Variants in ZC3H4 observed in about 807,000 individuals in gnomAD.
ZC3H4 encodes zinc finger CCCH-type containing 4, also known as zinc finger CCCH domain-containing protein 4.
In ZC3H4, 13 loss-of-function variants were observed where a neutral mutation model predicts 108.3. That is an observed-to-expected ratio of 0.12 (90% confidence interval 0.08 to 0.19). The LOEUF is 0.19. Ranked by LOEUF, ZC3H4 falls within the 10% of genes least tolerant of loss-of-function variation. The pLI is 1.00. For synonymous variants in ZC3H4, 917 were observed against 749.6 expected, an observed-to-expected ratio of 1.22 and a Z score of -3.65; for missense variants, 1,734 against 1,838.8, an observed-to-expected ratio of 0.94 and a Z score of 1.04.
chr19:47,069,245 G>A lies in ZC3H4; in HGVS notation c.2245C>T (p.Pro749Ser), dbSNP rs779780890. 2.5e-6 allele frequency: 4 copies of A among 1,613,586 alleles called. No individual in the cohort carries two copies. Among genetic ancestry groups the A allele is most frequent in the Admixed American group, 1.7e-5 (1 of 59,990 alleles). ...CCGGCGCCTGGCTTCGGCCGGCCTG[G>A]GGGCCCTCCCTCAGAGAAGCTGTCG... ...EPDSFSEGGP[P>S]GRPKPGAGVP... The change falls in exon 14 of 15, where the codon CCA (proline) becomes TCA (serine). Residue 749 changes from proline to serine, a missense_variant. Physicochemically the swap from Pro to Ser is moderately conservative, Grantham distance 74. Transcript: ENST00000253048.
Position 47,067,307 on chromosome 19 carries a change from T to G in ZC3H4, c.2961A>C (p.Leu987=). 6.3e-7 allele frequency: 1 copy of G among 1,593,194 alleles called. No individual in the cohort carries two copies. The highest frequency in any genetic ancestry group is 8.6e-7 in the Non-Finnish European group (1 of 1,168,996). The change falls in exon 15 of 15, where the codon CTA becomes CTC. Residue 987 remains leucine (L), a synonymous_variant. Coordinates refer to ENST00000253048, the MANE Select transcript of ZC3H4 (RefSeq NM_015168.2). This position sits in a 1 kb window ranked among gnomAD's most constrained non-coding sequence, Gnocchi z 6.4. Reference sequence around the variant, plus strand: ...GCACTGCGTCCTGCTTGGGGATGGGTAGGGGGATCAGGTCCTCGGGATTCC... The same window carrying G: ...GCACTGCGTCCTGCTTGGGGATGGGGAGGGGGATCAGGTCCTCGGGATTCC... ...VLWNPEDLIP[L]PIPKQDAVPP...
intron 2 of ZC3H4, among the ~76,000 whole-genome samples, chr19:47,099,352 G>A (rs1361710229): frequency 2.0e-5 from 3 of 151,704 alleles, no homozygotes; most frequent in African/African-American, 7.3e-5. Context: ...CCAGCTACTC[G>A]GGAGGCTGAG....
Position 47,090,188 on chromosome 19 carries a change from G to T in ZC3H4, c.494C>A (p.Ser165Tyr). 1 of 1,614,144 alleles carries T rather than the reference G, an allele frequency of 6.2e-7. No homozygotes were observed. Among genetic ancestry groups the T allele is most frequent in the South Asian group, 1.1e-5 (1 of 91,074 alleles). Residue 165 changes from serine (S) to tyrosine (Y), a missense_variant and splice_region_variant, in exon 5 of 15, where the codon TCC (serine) becomes TAC (tyrosine). Physicochemically the swap from Ser to Tyr is moderately radical, Grantham distance 144. Transcript: ENST00000253048. The stretch of plus-strand genomic sequence containing the variant: ...ATGCGATGGGGGGTACTGCTGGTGG[G>T]ACTGCGTCCCAGAGATGGGGAAAAG... The part of the protein sequence containing the change: ...YREYSPPYAP[S>Y]HQQYPPSHAT...
At position 47,072,398 on chromosome 19, in the gene ZC3H4, T is replaced by C; in HGVS notation, c.1756A>G (p.Ile586Val). The C allele has an allele frequency of 6.2e-7, 1 of 1,613,236 alleles. No individual in the cohort carries two copies. The highest frequency in any genetic ancestry group is 8.5e-7 in the Non-Finnish European group (1 of 1,179,744). ...AGCTGTCCCGTGGGCCGCACCACGA[T>C]CTCAAACAAGGAGGGGATCTTCTTG... ...YNKKIPSLFEIVVRPTGQLAE... is the reference protein window; with the variant it reads ...YNKKIPSLFEVVVRPTGQLAE... Residue 586 changes from isoleucine to valine, a missense_variant, in exon 12 of 15, where the codon ATC (isoleucine) becomes GTC (valine). By Grantham distance (29) the Ile-to-Val change is conservative. This residue lies in a region of ZC3H4 where 12 missense variants were observed against 36.4 expected (regional missense o/e 0.33). Coordinates refer to ENST00000253048, the MANE Select transcript of ZC3H4 (RefSeq NM_015168.2). This position sits in a 1 kb window ranked among gnomAD's most constrained non-coding sequence, Gnocchi z 5.6.
In ZC3H4 at chr19:47,072,545, T is replaced by C; in HGVS notation, c.1609A>G (p.Met537Val). 4 of 1,395,372 alleles carry C rather than the reference T, an allele frequency of 2.9e-6. No individual in the cohort carries two copies. The highest frequency in any genetic ancestry group is 1.7e-5 in the African/African-American group (1 of 58,336). 86.4% of individuals were successfully genotyped at this position (1,395,372 alleles called of 1,614,324 possible). A position where few individuals can be genotyped will look rare whatever the true frequency, so the allele number is the denominator to read the frequency against. ...QAPTSPNGRP[M>V]QGGPPPPPPP... ...GGCGGGGGCGGGGGGCCACCCTGCA[T>C]GGGCCTGCCGTTGGGAGAGGTTGGA... The change falls in exon 12 of 15, where the codon ATG becomes GTG. Residue 537 changes from methionine to valine, a missense_variant. Physicochemically the swap from Met to Val is conservative, Grantham distance 21 (BLOSUM62 1). Coordinates refer to ENST00000253048, the MANE Select transcript of ZC3H4 (RefSeq NM_015168.2). The surrounding 1 kb of genome is among the most constrained non-coding windows in gnomAD (Gnocchi z 5.6).
At chr19:47,084,946 G>A in intron 8 of ZC3H4, 110 bp downstream of exon 8, 1 of 1,456,834 alleles carries the variant, frequency 6.9e-7, no homozygotes. Flanking sequence ...AGCCCTTTGG[G>A]GGGTGGCTGA....
At chr19:47,103,290 CTT>C (rs906977860) in intron 2 of ZC3H4, among the ~76,000 whole-genome samples, 8 of 152,106 alleles carry the variant, frequency 5.3e-5, no homozygotes, top group African/African-American at 1.4e-4. Context: ...TAAGACTTCT[CTT>C]TGTTTATAAT....
At chr19:47,088,808 A>G (rs1235360836) in intron 5 of ZC3H4, among the ~76,000 whole-genome samples, 2 of 152,194 alleles carry the variant, frequency 1.3e-5, no homozygotes, top group East Asian at 3.9e-4. Flanking sequence ...ACCAGAAAAT[A>G]TAAACGACAT....
chr19:47,090,247 C>T, intron 4 of ZC3H4, 58 bp from the exon 5 acceptor site: 1 of 1,588,444 alleles, frequency 6.3e-7, no homozygotes, highest in African/African-American at 1.3e-5. Context: ...TGGGTGCAGA[C>T]TACCAAGATA....
At chr19:47,070,408 C>T (rs1219815106) in intron 13 of ZC3H4, among the ~76,000 whole-genome samples, 2 of 152,166 alleles carry the variant, frequency 1.3e-5, no homozygotes, top group Non-Finnish European at 2.9e-5. Context: ...CCTTCACACA[C>T]AGTCTGTGCA....
rs766647274 is a variant in ZC3H4, at chr19:47,067,216, C to A, written c.3052G>T (p.Ala1018Ser). The A allele has an allele frequency of 6.2e-7, 1 of 1,608,710 alleles. No homozygotes were observed. The change falls in exon 15 of 15, where the codon GCA becomes TCA. Residue 1018 changes from alanine (A) to serine (S), a missense_variant. Ala to Ser is a moderately conservative substitution (Grantham distance 99). Around this residue, in one of 9 missense-constraint regions of ZC3H4, gnomAD observed 518 missense variants for 499.6 expected, o/e 1.04. Transcript: ENST00000253048. This position sits in a 1 kb window ranked among gnomAD's most constrained non-coding sequence, Gnocchi z 6.4. Reference sequence around the variant, plus strand: ...CGCTGCCGGGCGTTGGGGGGCCCTGCCGTGGCAGCGCGGTGCAGCCGGGGG... The same window carrying A: ...CGCTGCCGGGCGTTGGGGGGCCCTGACGTGGCAGCGCGGTGCAGCCGGGGG... ...LDPRLHRAAT[A>S]GPPNARQRPG...
chr19:47,097,043 G>A (rs973684389), intron 2 of ZC3H4: 1 of 963,422 alleles, frequency 1.0e-6, no homozygotes, highest in East Asian at 1.1e-4. Context: ...GCGGGCAGAG[G>A]ACAAAAGACC....
rs1206509298 is a variant in ZC3H4, at chr19:47,093,859, C to T, written c.492+111G>A. 4 of 859,972 alleles carry T rather than the reference C, an allele frequency of 4.7e-6. No homozygotes were observed. The African/African-American group carries it at 6.8e-5, about 15-fold the overall frequency. The allele number at this position is 859,972 out of a possible 1,614,324, so 53.3% of individuals were successfully genotyped here. Reference sequence around the variant, plus strand: ...TGGGGATTAAATTAATACCTGATGGCCCAGGACTGAAACTCACAAAAAATG... The same window carrying T: ...TGGGGATTAAATTAATACCTGATGGTCCAGGACTGAAACTCACAAAAAATG... On this transcript the variant is annotated intron_variant, in intron 4 of 14. Coordinates refer to ENST00000253048, the MANE Select transcript of ZC3H4 (RefSeq NM_015168.2).
intron 6 of ZC3H4, among the ~76,000 whole-genome samples, 160 bp from the exon 7 acceptor site, chr19:47,085,574 C>G (rs563380389): frequency 6.6e-6 from 1 of 152,282 alleles, no homozygotes; most frequent in East Asian, 1.9e-4. Flanking sequence ...CCCAATCCTT[C>G]CCACTGCAGT....
chr19:47,094,742 G>T, intron 2 of ZC3H4, 134 bp from the exon 3 acceptor site: 1 of 823,816 alleles, frequency 1.2e-6, no homozygotes, highest in South Asian at 1.7e-5. Flanking sequence ...GAGGACATGG[G>T]GGCCATGGCC....
intron 14 of ZC3H4, among the ~76,000 whole-genome samples, chr19:47,068,436 G>C (rs1347325036): frequency 6.6e-6 from 1 of 152,214 alleles, no homozygotes; most frequent in Non-Finnish European, 1.5e-5. Context: ...GGCTGGTGTG[G>C]ACCAACCGCA....
In ZC3H4 at chr19:47,069,171, G is replaced by T. The variant is rs1292825982; in HGVS notation, c.2319C>A (p.Ile773=). The part of the protein sequence containing the change: ...PSAQRALYLR[I]QQKQQEEEER... ...CCTCCTCCTCCTGCTGCTTCTGCTG[G>T]ATCCTCAGGTACAGGGCCCTCTGGG... Residue 773 remains isoleucine (I), a synonymous_variant, in exon 14 of 15, where the codon ATC becomes ATA. Transcript: ENST00000253048. 9 of 1,609,460 alleles carry T rather than the reference G, an allele frequency of 5.6e-6. No individual in the cohort carries two copies. The highest frequency in any genetic ancestry group is 7.6e-6 in the Non-Finnish European group (9 of 1,179,984).
At chr19:47,097,726 T>C (rs1379068692) in intron 2 of ZC3H4, among the ~76,000 whole-genome samples, 3 of 152,186 alleles carry the variant, frequency 2.0e-5, no homozygotes, top group African/African-American at 7.2e-5. Context: ...ACATGCTTAA[T>C]AGACCTCGAC....
At chr19:47,104,327 A>G (rs1337613821) in intron 2 of ZC3H4, among the ~76,000 whole-genome samples, 1 of 152,116 alleles carries the variant, frequency 6.6e-6, no homozygotes, top group Admixed American at 6.5e-5. Context: ...TAAAATAATA[A>G]TAATAATAAT....
Sources: allele counts gnomAD v4.1 joint callset (sites outside exome capture counted in the v4.1 genomes callset), GRCh38; gene constraint gnomAD v4.1.1; regional missense constraint gnomAD v4.1.1; non-coding constraint Gnocchi (gnomAD v3.1); transcripts MANE v1.5; gene names NCBI Gene and HGNC (gene_info 2026-07-23, HGNC 2026-07-21).